The following CCPG1 variants were observed in gnomAD, a reference collection of about 807,000 sequenced individuals.
CCPG1 encodes cell cycle progression 1, also known as cell cycle progression protein 1.
Under a neutral mutation model 81.3 loss-of-function variants are expected in CCPG1, and 46 were observed. That is an observed-to-expected ratio of 0.57 (90% CI 0.45 to 0.72). The LOEUF (loss-of-function observed/expected upper bound fraction) is 0.72, where lower values mean the gene tolerates loss of function less well. Among genes scored for constraint, CCPG1 ranks in the 30% least tolerant of loss-of-function variants. CCPG1 has a pLI of 0.00. For missense variants in CCPG1, 902 were observed against 937.6 expected, an observed-to-expected ratio of 0.96 and a Z score of 0.50; for synonymous variants, 330 against 305.2, an observed-to-expected ratio of 1.08 and a Z score of -0.85.
chr15:55,364,802 G>A (rs1401557882), intron 7 of CCPG1, among the ~76,000 whole-genome samples: 2 of 150,968 alleles, frequency 1.3e-5, no homozygotes, highest in Non-Finnish European at 3.0e-5. Flanking sequence ...GAACCCAGGA[G>A]GTGGAAGTTG....
At chr15:55,362,038 T>C (rs1222765162) in intron 7 of CCPG1, among the ~76,000 whole-genome samples, 2 of 152,164 alleles carry the variant, frequency 1.3e-5, no homozygotes, top group Admixed American at 1.3e-4. Context: ...TCAGCACCCG[T>C]GGTAGAAATC....
intron 3 of CCPG1, among the ~76,000 whole-genome samples, chr15:55,380,130 A>C (rs1377740511): frequency 6.6e-6 from 1 of 151,642 alleles, no homozygotes; most frequent in Non-Finnish European, 1.5e-5. Flanking sequence ...AGAGCATAAA[A>C]TATTAAGAAA....
At chr15:55,383,995 A>T (rs2056752397) in intron 3 of CCPG1, among the ~76,000 whole-genome samples, 1 of 152,094 alleles carries the variant, frequency 6.6e-6, no homozygotes, top group South Asian at 2.1e-4. Context: ...CAACTTGGCT[A>T]ACTATCTGGC....
At chr15:55,366,020 A>G (rs990901999) in intron 6 of CCPG1, among the ~76,000 whole-genome samples, 1 of 152,176 alleles carries the variant, frequency 6.6e-6, no homozygotes, top group Non-Finnish European at 1.5e-5. Context: ...TTAACGTAAT[A>G]TAAGTAAGGC....
chr15:55,407,037 A>ACCCGCC (rs1308149562), intron 1 of CCPG1, among the ~76,000 whole-genome samples: 1 of 112,692 alleles, frequency 8.9e-6, no homozygotes, highest in Admixed American at 8.0e-5. Context: ...ACACGTTGAG[A>ACCCGCC]CCCCCCCCCC....
At position 55,363,336 on chromosome 15, in the gene CCPG1, G is replaced by A. The variant is rs186654044; in HGVS notation, c.828+1852C>T. On this transcript the variant is annotated intron_variant, in intron 7 of 8. Coordinates refer to ENST00000442196, the MANE Select transcript of CCPG1 (RefSeq NM_001204450.2). ...TGCACTCCAGCCTGGGCAACAGAGCGAGGCTCCATCTCAGAAAAAAAACAA... is the reference window on the plus strand; with the variant it reads ...TGCACTCCAGCCTGGGCAACAGAGCAAGGCTCCATCTCAGAAAAAAAACAA... Among the ~76,000 whole-genome samples, 12 of 151,052 alleles carry A rather than the reference G, an allele frequency of 7.9e-5. No individual in the cohort carries two copies. The East Asian group carries it at 9.8e-4, about 12-fold the overall frequency.
At chr15:55,365,014 C>G (rs906563582) in intron 7 of CCPG1, among the ~76,000 whole-genome samples, 174 bp downstream of exon 7, 1 of 152,150 alleles carries the variant, frequency 6.6e-6, no homozygotes, top group African/African-American at 2.4e-5. Flanking sequence ...AAGAGAAATA[C>G]TCTATATGGT....
chr15:55,360,637 G>A lies in CCPG1; in HGVS notation c.1136C>T (p.Ala379Val). ...LSQRETLLTE[A>V]KMLKRELERE... Reference sequence around the variant, plus strand: ...CTCCAGTTCTCTCTTTAGCATCTTTGCTTCTGTCAACAGAGTCTCCCTTTG... The same window carrying A: ...CTCCAGTTCTCTCTTTAGCATCTTTACTTCTGTCAACAGAGTCTCCCTTTG... Residue 379 changes from alanine (A) to valine (V), a missense_variant, in exon 8 of 9, where the codon GCA becomes GTA. By Grantham distance (64) the Ala-to-Val change is moderately conservative (BLOSUM62 0). Coordinates refer to ENST00000442196, the MANE Select transcript of CCPG1 (RefSeq NM_001204450.2). The A allele has an allele frequency of 6.2e-7, 1 of 1,614,028 alleles. No homozygotes were observed. The highest frequency in any genetic ancestry group is 8.5e-7 in the Non-Finnish European group (1 of 1,180,010).
At chr15:55,372,620 C>T (rs2056475991) in intron 5 of CCPG1, 1 of 213,984 alleles carries the variant, frequency 4.7e-6, no homozygotes, top group Admixed American at 5.5e-5. Context: ...GATCCTGCCA[C>T]TATACTCCAG....
chr15:55,364,003 C>A (rs1289388549), intron 7 of CCPG1, among the ~76,000 whole-genome samples: 3 of 149,654 alleles, frequency 2.0e-5, no homozygotes, highest in Non-Finnish European at 4.5e-5. Context: ...AAGGTTTCAC[C>A]ATATTGGCCA....
At chr15:55,385,554 T>C in intron 3 of CCPG1, 46 bp downstream of exon 3, 1 of 943,288 alleles carries the variant, frequency 1.1e-6, no homozygotes. Context: ...ATAATATCAC[T>C]CATATATCAT....
chr15:55,388,991 C>A (rs1595856052), intron 2 of CCPG1, among the ~76,000 whole-genome samples: 1 of 135,922 alleles, frequency 7.4e-6, no homozygotes, highest in South Asian at 2.4e-4. Flanking sequence ...TCATTTCAGT[C>A]CAGTGGGGCG....
intron 6 of CCPG1, among the ~76,000 whole-genome samples, chr15:55,371,496 C>G (rs1444554611): frequency 1.3e-5 from 2 of 152,108 alleles, no homozygotes; most frequent in Non-Finnish European, 2.9e-5. Flanking sequence ...AATGATTTGC[C>G]TCATGGTGAG....
At chr15:55,408,172 C>G (rs1319643931) in intron 1 of CCPG1, 49 bp downstream of exon 1, 1 of 152,496 alleles carries the variant, frequency 6.6e-6, no homozygotes, top group African/African-American at 2.4e-5. Flanking sequence ...GGGACTCAGA[C>G]AGTCGGCACA....
In CCPG1 at chr15:55,365,180, G is replaced by A. The variant is rs374613697; in HGVS notation, c.828+8C>T. ...ACAATTATTTTAAATACTGTTAGTG[G>A]TACATACCTTATAATCTATAAAAGA... On this transcript the variant is annotated splice_region_variant and intron_variant, in intron 7 of 8. Coordinates refer to ENST00000442196, the MANE Select transcript of CCPG1 (RefSeq NM_001204450.2). 5 of 1,419,262 alleles carry A rather than the reference G, an allele frequency of 3.5e-6. No homozygotes were observed. The highest frequency in any genetic ancestry group is 1.9e-6 in the Non-Finnish European group (2 of 1,027,076). 87.9% of individuals were successfully genotyped at this position (1,419,262 alleles called of 1,614,324 possible). A position where few individuals can be genotyped will look rare whatever the true frequency, so the allele number is the denominator to read the frequency against.
intron 8 of CCPG1, 142 bp downstream of exon 8, chr15:55,359,397 T>C: frequency 7.0e-7 from 1 of 1,419,338 alleles, no homozygotes; most frequent in Non-Finnish European, 9.2e-7. Flanking sequence ...CATCTTTCAA[T>C]TTATTCTGAA....
intron 8 of CCPG1, chr15:55,358,395 C>T (rs1368962177): frequency 2.0e-6 from 2 of 985,134 alleles, no homozygotes; most frequent in Non-Finnish European, 2.4e-6. Context: ...TAATCTTATC[C>T]CACCCGCCTT....
At chr15:55,405,959 G>A (rs2057210806) in intron 1 of CCPG1, among the ~76,000 whole-genome samples, 1 of 152,176 alleles carries the variant, frequency 6.6e-6, no homozygotes, top group South Asian at 2.1e-4. Flanking sequence ...CTGCCTCCCG[G>A]GTTCAAGCGA....
In CCPG1 at chr15:55,407,241, A is replaced by T. The variant is rs191184907; in HGVS notation, c.-10+980T>A. ...GAAACCCTCTCTCAAAAAAAAAAAA[A>T]ATATGAATTAAAATAATACCCTCAC... is the stretch of plus-strand genomic sequence containing the variant. On this transcript the variant is annotated intron_variant, in intron 1 of 8. Transcript: ENST00000442196. 5.5e-3 allele frequency among the ~76,000 whole-genome samples: 841 copies of T among 151,722 alleles called. 8 individuals are homozygous for T. The highest frequency in any genetic ancestry group is 0.019 in the African/African-American group (791 of 41,402).
Sources: gnomAD v4.1 joint callset for allele counts (sites outside exome capture counted in the v4.1 genomes callset) on GRCh38, gnomAD v4.1.1 for gene constraint, MANE v1.5 for transcripts, NCBI Gene and HGNC (gene_info 2026-07-23, HGNC 2026-07-21) for gene names.